The following ROBO1 variants were observed in gnomAD, a reference collection of about 807,000 sequenced individuals.
The protein encoded by ROBO1 is roundabout homolog 1.
A neutral mutation model predicts 195.9 loss-of-function variants in ROBO1; 149 were observed. The observed-to-expected ratio is 0.76, with a 90% CI of 0.67 to 0.87. The LOEUF is 0.87. Among genes scored for constraint, ROBO1 ranks in the 40% least tolerant of loss-of-function variants. ROBO1 has a pLI of 0.00. For missense variants in ROBO1, 1,933 were observed against 2,068.3 expected, an observed-to-expected ratio of 0.93 and a Z score of 1.27; for synonymous variants, 816 against 733.2, an observed-to-expected ratio of 1.11 and a Z score of -1.82.
Position 78,761,946 on chromosome 3 carries a change from T to C in ROBO1, c.500-15046A>G, listed in dbSNP as rs188884429. The stretch of plus-strand genomic sequence containing the variant: ...AATGTTAGGTTTGTAAAATTAAATA[T>C]GATAGTAAGTTAATTAGGTGTTTTT... On this transcript the variant is annotated intron_variant, in intron 4 of 30. Transcript: ENST00000464233. 1.5e-3 allele frequency among the ~76,000 whole-genome samples: 225 copies of C among 152,248 alleles called. 1 individual carries two copies. Among genetic ancestry groups the C allele is most frequent in the African/African-American group, 5.1e-3 (212 of 41,578 alleles).
At chr3:78,913,505 T>C (rs1276366181) in intron 4 of ROBO1, among the ~76,000 whole-genome samples, 1 of 152,100 alleles carries the variant, frequency 6.6e-6, no homozygotes, top group Non-Finnish European at 1.5e-5. Flanking sequence ...AAAAAAAATA[T>C]TTAAAATTCC....
intron 1 of ROBO1, among the ~76,000 whole-genome samples, chr3:79,596,035 A>G (rs1280566575): frequency 1.3e-5 from 2 of 152,056 alleles, no homozygotes; most frequent in East Asian, 1.9e-4. Flanking sequence ...TCCTCTTTAC[A>G]TATGAGATAG....
intron 2 of ROBO1, among the ~76,000 whole-genome samples, chr3:79,214,815 T>C (rs1161996996): frequency 2.2e-5 from 3 of 137,568 alleles, no homozygotes; most frequent in Admixed American, 2.1e-4. Context: ...ACTGCAAATA[T>C]ATATATATAT....
At position 79,727,060 on chromosome 3, in the gene ROBO1, G is replaced by A. The variant is rs914323744; in HGVS notation, c.-51+40692C>T. On this transcript the variant is annotated intron_variant, in intron 1 of 30. Transcript: ENST00000464233. The stretch of plus-strand genomic sequence containing the variant: ...GTCATTAATGTCATGGGTAACATCC[G>A]TGTCTAGACTGAATTAAAATGTATC... Among the ~76,000 whole-genome samples, 8 of 152,150 alleles carry A rather than the reference G, an allele frequency of 5.3e-5. No individual in the cohort carries two copies. In the South Asian group the frequency reaches 8.3e-4, roughly 16 times the overall value.
intron 1 of ROBO1, among the ~76,000 whole-genome samples, chr3:79,703,139 C>T (rs1428462371): frequency 1.3e-5 from 2 of 151,856 alleles, no homozygotes; most frequent in Non-Finnish European, 2.9e-5. Context: ...TAGTTGTGCC[C>T]TATTAGCATA....
At chr3:79,494,095 G>C (rs538036427) in intron 2 of ROBO1, among the ~76,000 whole-genome samples, 1 of 152,246 alleles carries the variant, frequency 6.6e-6, no homozygotes, top group South Asian at 2.1e-4. Flanking sequence ...TGAAGAATGC[G>C]TGCCAAGTAC....
At chr3:78,997,102 C>T (rs925833680) in intron 3 of ROBO1, among the ~76,000 whole-genome samples, 1 of 152,138 alleles carries the variant, frequency 6.6e-6, no homozygotes, top group African/African-American at 2.4e-5. Flanking sequence ...ATGCATAGGA[C>T]AGCCTCTACC....
At chr3:78,936,673 G>T (rs2039827131) in intron 4 of ROBO1, among the ~76,000 whole-genome samples, 1 of 151,940 alleles carries the variant, frequency 6.6e-6, no homozygotes, top group Admixed American at 6.6e-5. Context: ...ATGGGGGAGG[G>T]TGTGCATAGG....
intron 4 of ROBO1, among the ~76,000 whole-genome samples, chr3:78,858,950 C>A (rs1425657466): frequency 6.6e-6 from 1 of 152,152 alleles, no homozygotes; most frequent in Non-Finnish European, 1.5e-5. Context: ...ACTGTTATTA[C>A]CTCAGCACAT....
chr3:78,950,103 C>T (rs1052249377), intron 3 of ROBO1, among the ~76,000 whole-genome samples: 16 of 152,086 alleles, frequency 1.1e-4, no homozygotes, highest in African/African-American at 2.9e-4. Context: ...GTCCGTGTGG[C>T]GATTCCTCAG....
chr3:79,198,153 G>C (rs777758066), intron 2 of ROBO1, among the ~76,000 whole-genome samples: 41 of 151,940 alleles, frequency 2.7e-4, no homozygotes, highest in Non-Finnish European at 5.4e-4. Context: ...TTTTCTTCTA[G>C]GGTTTTTATG....
intron 18 of ROBO1, 25 bp from the exon 19 acceptor site, chr3:78,651,954 T>G: frequency 6.3e-7 from 1 of 1,599,618 alleles, no homozygotes; most frequent in Non-Finnish European, 8.5e-7. Flanking sequence ...TCCGATTAAT[T>G]TGGGTTGAAG....
Position 79,125,477 on chromosome 3 carries a change from C to G in ROBO1, c.151G>C (p.Asp51His), listed in dbSNP as rs1400324403. The part of the protein sequence containing the change: ...GTPIPTSDND[D>H]NSLGYTGSRL... ...CTACCTGTATAGCCCAGCGAATTGT[C>G]ATCGTTATCAGAGGTGGGGATTGGC... The change falls in exon 3 of 31, where the codon GAC becomes CAC. Residue 51 changes from aspartate (D) to histidine (H), a missense_variant. By Grantham distance (81) the Asp-to-His change is moderately conservative. Coordinates refer to ENST00000464233, the MANE Select transcript of ROBO1 (RefSeq NM_002941.4). 6.2e-7 allele frequency: 1 copy of G among 1,613,504 alleles called. No homozygotes were observed. Among genetic ancestry groups the G allele is most frequent in the Non-Finnish European group, 8.5e-7 (1 of 1,179,770 alleles).
Position 79,386,111 on chromosome 3 carries a change from A to AT in ROBO1, c.88+203712dup, listed in dbSNP as rs540911724. Among the ~76,000 whole-genome samples, 4 of 152,254 alleles carry AT rather than the reference A, an allele frequency of 2.6e-5. No individual in the cohort carries two copies. The South Asian group carries it at 8.3e-4, about 32-fold the overall frequency. On this transcript the variant is annotated intron_variant, in intron 2 of 30. Coordinates refer to ENST00000464233, the MANE Select transcript of ROBO1 (RefSeq NM_002941.4). The stretch of plus-strand genomic sequence containing the variant: ...GGACACTACAATATTATAGTGATAG[A>AT]TTTTAACTGACTGTTTTTTACATGA...
intron 4 of ROBO1, among the ~76,000 whole-genome samples, chr3:78,775,198 A>G (rs1169069178): frequency 1.3e-5 from 2 of 152,200 alleles, no homozygotes; most frequent in Admixed American, 1.3e-4. Context: ...AGCTCAATGT[A>G]ATAGGAGTTT....
intron 1 of ROBO1, among the ~76,000 whole-genome samples, chr3:79,656,479 A>G (rs1162506812): frequency 6.6e-6 from 1 of 152,054 alleles, no homozygotes; most frequent in African/African-American, 2.4e-5. Context: ...ATAATAGTAT[A>G]CTTTATTGAA....
chr3:79,087,812 A>C (rs985064263), intron 3 of ROBO1, among the ~76,000 whole-genome samples: 2 of 152,098 alleles, frequency 1.3e-5, no homozygotes, highest in African/African-American at 4.8e-5. Context: ...TGAGTAGCCT[A>C]ACTCATGTTA....
intron 26 of ROBO1, among the ~76,000 whole-genome samples, chr3:78,624,727 C>G (rs1704657276): frequency 6.6e-6 from 1 of 152,038 alleles, no homozygotes; most frequent in Non-Finnish European, 1.5e-5. Flanking sequence ...ATACGAACAG[C>G]AAATACTAAT....
At chr3:78,621,685 C>T (rs1329213571) in intron 26 of ROBO1, among the ~76,000 whole-genome samples, 1 of 152,172 alleles carries the variant, frequency 6.6e-6, no homozygotes, top group Non-Finnish European at 1.5e-5. Context: ...AACCTCAACC[C>T]TCTAGATTTC....
Sources: gnomAD v4.1 joint callset for allele counts (sites outside exome capture counted in the v4.1 genomes callset) on GRCh38, gnomAD v4.1.1 for gene constraint, MANE v1.5 for transcripts, NCBI Gene and HGNC (gene_info 2026-07-23, HGNC 2026-07-21) for gene names.